LIPA: variants seen among roughly 807,000 people sequenced by gnomAD.
LIPA encodes the protein lysosomal acid lipase/cholesteryl ester hydrolase.
A neutral mutation model predicts 40.6 loss-of-function variants in LIPA; 26 were observed. The ratio of observed to expected loss-of-function variants is 0.64; its 90% CI spans 0.47 to 0.89. LIPA has a LOEUF of 0.89. Among genes scored for constraint, LIPA ranks in the 40% least tolerant of loss-of-function variants. LIPA has a pLI of 0.00. For synonymous variants in LIPA, 188 were observed against 168.4 expected (o/e 1.12, Z -0.90); for missense variants, 455 against 479.6 (o/e 0.95, Z 0.48).
intron 2 of LIPA, among the ~76,000 whole-genome samples, chr10:89,364,652 CATATAATATATATGTATAT>C (rs1844045580): frequency 6.7e-6 from 1 of 148,870 alleles, no homozygotes; most frequent in Admixed American, 6.7e-5. Flanking sequence ...TATATGTATA[CATATAATATATATGTATAT>C]ATATAGTATA....
intron 1 of LIPA, among the ~76,000 whole-genome samples, chr10:89,301,135 A>C (rs1015282720): frequency 1.3e-5 from 2 of 152,242 alleles, no homozygotes; most frequent in Non-Finnish European, 2.9e-5. Flanking sequence ...CAATTTACAA[A>C]ACCGAAGCAG....
chr10:89,257,207 T>C (rs911255363), intron 1 of LIPA, among the ~76,000 whole-genome samples: 1 of 152,254 alleles, frequency 6.6e-6, no homozygotes, highest in African/African-American at 2.4e-5. Flanking sequence ...TCTTTTGTGA[T>C]AGTTCTGAAT....
Position 89,389,699 on chromosome 10 carries a change from A to T in LIPA, c.61+23092T>A, listed in dbSNP as rs961013295. Among the ~76,000 whole-genome samples, 33 of 152,306 alleles carry T rather than the reference A, an allele frequency of 2.2e-4. 2 individuals are homozygous for T. Among genetic ancestry groups the T allele is most frequent in the Non-Finnish European group, 1.2e-4 (8 of 68,022 alleles). ...TCCATATTATCATATTATAATTTTT[A>T]AAAAATACACTCAGAATAACATTCT... On this transcript the variant is annotated intron_variant, in intron 2 of 8. Transcript: ENST00000371837.
chr10:89,379,028 T>C (rs1844142052), intron 2 of LIPA, among the ~76,000 whole-genome samples: 1 of 152,190 alleles, frequency 6.6e-6, no homozygotes, highest in Non-Finnish European at 1.5e-5. Context: ...AAATACTCTT[T>C]TAGGCATCCA....
At chr10:89,340,340 C>T (rs1212259977) in intron 1 of LIPA, 2 of 435,578 alleles carry the variant, frequency 4.6e-6, no homozygotes, top group Non-Finnish European at 8.2e-6. Context: ...GGGCGGATCA[C>T]GAGGTCTGGA....
At chr10:89,334,813 G>A (rs11203073) in intron 1 of LIPA, among the ~76,000 whole-genome samples, 3,089 of 151,984 alleles carry the variant, frequency 0.02, 47 homozygotes, top group Middle Eastern at 0.061. Flanking sequence ...TTTATCAAGT[G>A]ACTGTAGTCA....
intron 2 of LIPA, among the ~76,000 whole-genome samples, chr10:89,369,088 T>C (rs114019476): frequency 0.027 from 4,055 of 152,272 alleles, 91 homozygotes; most frequent in African/African-American, 0.059. Context: ...GCAGTGCTGA[T>C]TCCATGGCCT....
intron 8 of LIPA, among the ~76,000 whole-genome samples, chr10:89,219,923 A>T (rs1842675931): frequency 6.6e-6 from 1 of 152,250 alleles, no homozygotes; most frequent in Non-Finnish European, 1.5e-5. Context: ...GGGTAGTTAG[A>T]ATCTAAAGTC....
At chr10:89,379,741 G>A (rs1844148395) in intron 2 of LIPA, among the ~76,000 whole-genome samples, 1 of 152,110 alleles carries the variant, frequency 6.6e-6, no homozygotes, top group Non-Finnish European at 1.5e-5. Context: ...CTGGTCATAA[G>A]ATGTTAGTTG....
chr10:89,343,281 C>G (rs937723362), upstream of LIPA, among the ~76,000 whole-genome samples: 1 of 152,146 alleles, frequency 6.6e-6, no homozygotes. Context: ...TGTGTTTGGA[C>G]AAGAGTATGA....
intron 3 of LIPA, among the ~76,000 whole-genome samples, chr10:89,243,135 T>A (rs985280184): frequency 2.6e-5 from 4 of 152,200 alleles, no homozygotes; most frequent in African/African-American, 9.6e-5. Flanking sequence ...GTGAAAGGCC[T>A]TCTCCATTCT....
chr10:89,392,612 G>T (rs981790180), intron 2 of LIPA: 1 of 1,297,000 alleles, frequency 7.7e-7, no homozygotes, highest in African/African-American at 1.5e-5. Flanking sequence ...ACTGTCTTGG[G>T]GTTTAAACGT....
intron 3 of LIPA, among the ~76,000 whole-genome samples, chr10:89,241,229 G>C (rs940359837): frequency 6.6e-6 from 1 of 152,146 alleles, no homozygotes. Context: ...ATCCCAACCT[G>C]GGTCTATGAG....
intron 2 of LIPA, among the ~76,000 whole-genome samples, chr10:89,390,541 C>A (rs547553574): frequency 6.6e-6 from 1 of 152,296 alleles, no homozygotes; most frequent in South Asian, 2.1e-4. Context: ...GAACTCACAA[C>A]CTAGTGCTGA....
chr10:89,321,543 T>A (rs568248070), intron 1 of LIPA, among the ~76,000 whole-genome samples: 1 of 152,288 alleles, frequency 6.6e-6, no homozygotes, highest in Non-Finnish European at 1.5e-5. Flanking sequence ...CCCGTTAGAA[T>A]GGCCATCATT....
At chr10:89,403,370 A>C (rs750972316) in intron 2 of LIPA, 1 of 1,613,368 alleles carries the variant, frequency 6.2e-7, no homozygotes, top group Non-Finnish European at 8.5e-7. Flanking sequence ...ATTTTCAAAA[A>C]TTGTTATGCA....
intron 2 of LIPA, among the ~76,000 whole-genome samples, chr10:89,382,489 T>G (rs1844170704): frequency 6.6e-6 from 1 of 152,236 alleles, no homozygotes; most frequent in Admixed American, 6.5e-5. Context: ...TGACTTCATA[T>G]TATTCTCTCT....
In LIPA at chr10:89,368,537, A is replaced by G. The variant is rs78958435; in HGVS notation, c.61+44254T>C. Reference sequence around the variant, plus strand: ...GCTCTCTCTTCTGCTGATGGATTTCATGGGCTTACTGCTCTCTTGGGACCA... The same window carrying G: ...GCTCTCTCTTCTGCTGATGGATTTCGTGGGCTTACTGCTCTCTTGGGACCA... On this transcript the variant is annotated intron_variant, in intron 2 of 8. Transcript: ENST00000371837. Among the ~76,000 whole-genome samples the G allele has an allele frequency of 7.7e-3, 1,179 of 152,302 alleles. 16 individuals carry two copies. The highest frequency in any genetic ancestry group is 0.027 in the African/African-American group (1,111 of 41,564).
At chr10:89,374,027 G>C (rs1844107142) in intron 2 of LIPA, among the ~76,000 whole-genome samples, 1 of 152,198 alleles carries the variant, frequency 6.6e-6, no homozygotes, top group Non-Finnish European at 1.5e-5. Context: ...GATTGGGCTG[G>C]AGATTGGCTC....
Sources: allele counts gnomAD v4.1 joint callset (sites outside exome capture counted in the v4.1 genomes callset), GRCh38; gene constraint gnomAD v4.1.1; transcripts MANE v1.5; gene names NCBI Gene and HGNC (gene_info 2026-07-23, HGNC 2026-07-21).